SPTBN5: variants seen among roughly 807,000 people sequenced by gnomAD.
SPTBN5 encodes spectrin beta chain, non-erythrocytic 5.
A neutral mutation model predicts 477.6 loss-of-function variants in SPTBN5; 513 were observed. The observed-to-expected ratio is 1.07, with a 90% confidence interval of 1.00 to 1.16. The LOEUF (loss-of-function observed/expected upper bound fraction) is 1.16, where lower values mean the gene tolerates loss of function less well. Ranked by LOEUF, SPTBN5 falls within the 50% of genes most tolerant of loss-of-function variation. SPTBN5 has a pLI of 0.00. For missense variants in SPTBN5, 5,062 were observed against 4,731.8 expected, an observed-to-expected ratio of 1.07 and a Z score of -2.05; for synonymous variants, 2,169 against 2,011.7, an observed-to-expected ratio of 1.08 and a Z score of -2.09.
rs1334046970 is a variant in SPTBN5 at position 41,857,720 on chromosome 15, C to T, written c.8227-10G>A. 2.6e-6 allele frequency: 4 copies of T among 1,561,402 alleles called. No homozygotes were observed. The highest frequency in any genetic ancestry group is 3.5e-6 in the Non-Finnish European group (4 of 1,156,576). The stretch of plus-strand genomic sequence containing the variant: ...GCAGCCTCTGTCCCTCCTGCAGCCA[C>T]AACATGAAACACACCTTGTGGACTC... On this transcript the variant is annotated splice_polypyrimidine_tract_variant and intron_variant, in intron 49 of 67. Coordinates refer to ENST00000320955, the MANE Select transcript of SPTBN5 (RefSeq NM_016642.4).
Position 41,879,507 on chromosome 15 carries a change from G to A in SPTBN5, c.2943-8C>T, listed in dbSNP as rs2066873638. 1 of 1,552,338 alleles carries A rather than the reference G, an allele frequency of 6.4e-7. No individual in the cohort carries two copies. ...GCCTCCAGCTGCCCCCACCTGGGCA[G>A]AGGGTACAAGGTTGTCTCCACAACA... On this transcript the variant is annotated splice_region_variant and splice_polypyrimidine_tract_variant and intron_variant, in intron 15 of 67. Coordinates refer to ENST00000320955, the MANE Select transcript of SPTBN5 (RefSeq NM_016642.4).
At chr15:41,885,266 C>T (rs2008558) in intron 7 of SPTBN5, among the ~76,000 whole-genome samples, 6,706 of 152,290 alleles carry the variant, frequency 0.044, 280 homozygotes, top group East Asian at 0.2. Context: ...TCAGGTCATC[C>T]GCCTGCTACG....
intron 41 of SPTBN5, 22 bp downstream of exon 41, chr15:41,863,682 G>T (rs781471596): frequency 6.3e-7 from 1 of 1,596,596 alleles, no homozygotes. Flanking sequence ...AGCCCCCACC[G>T]GGACCTCTTT....
intron 41 of SPTBN5, 90 bp from the exon 42 acceptor site, chr15:41,862,993 A>G (rs527931261): frequency 1.7e-6 from 2 of 1,174,228 alleles, no homozygotes; most frequent in South Asian, 2.6e-5. Flanking sequence ...TTCTGTGTGC[A>G]CAGCAAGTCC....
At position 41,857,672 on chromosome 15, in the gene SPTBN5, C is replaced by T. The variant is rs767178380; in HGVS notation, c.8265G>A (p.Ser2755=). 2.0e-5 allele frequency: 31 copies of T among 1,585,786 alleles called. No individual in the cohort carries two copies. In the South Asian group the frequency reaches 2.5e-4, roughly 13 times the overall value. Residue 2755 remains serine, a synonymous_variant, in exon 50 of 68, where the codon TCG becomes TCA. Transcript: ENST00000320955. ...QRLLQGGHPA[S]EAIQERLEEL... Reference sequence around the variant, plus strand: ...CCTCCAGTCGCTCCTGGATGGCCTCCGAGGCTGGGTGGCCCCCCTGCAGCA... The same window carrying T: ...CCTCCAGTCGCTCCTGGATGGCCTCTGAGGCTGGGTGGCCCCCCTGCAGCA...
chr15:41,883,402 C>T lies in SPTBN5; in HGVS notation c.1605G>A (p.Val535=). Residue 535 remains valine (V), a synonymous_variant, in exon 8 of 68, where the codon GTG becomes GTA. Transcript: ENST00000320955. ...QRKQVADMQA[V]LSLLQEVEAA... ...CCTCCACCTCCTGCAGCAGGCTCAG[C>T]ACAGCCTGCATGTCTGCCACCTGCT... 1 of 1,613,894 alleles carries T rather than the reference C, an allele frequency of 6.2e-7. No homozygotes were observed. The highest frequency in any genetic ancestry group is 8.5e-7 in the Non-Finnish European group (1 of 1,179,894).
intron 66 of SPTBN5, chr15:41,850,427 A>T (rs546846322): frequency 4.4e-6 from 1 of 226,670 alleles, no homozygotes; most frequent in African/African-American, 2.2e-5. Context: ...TGGCTTGCTT[A>T]CTGTCTGCAA....
At chr15:41,849,480 A>AC (rs2065675885) in intron 67 of SPTBN5, among the ~76,000 whole-genome samples, 1 of 151,938 alleles carries the variant, frequency 6.6e-6, no homozygotes, top group Admixed American at 6.6e-5. Context: ...TGGAGAGGGG[A>AC]GAGGAGGGAG....
At position 41,883,121 on chromosome 15, in the gene SPTBN5, C is replaced by T. The variant is rs1330821112; in HGVS notation, c.1767G>A (p.Val589=). The T allele has an allele frequency of 3.1e-6, 5 of 1,612,216 alleles. No homozygotes were observed. The highest frequency in any genetic ancestry group is 1.7e-5 in the Admixed American group (1 of 59,952). ...CTGCTGTCTGCTGAGCAAGATGGCT[C>T]ACATGGGCTCCGTGGGCCGAGACTT... ...EAQVSAHGAH[V]SHLAQQTAEL... The change falls in exon 9 of 68, where the codon GTG becomes GTA. Residue 589 remains valine (V), a synonymous_variant. Transcript: ENST00000320955.
At position 41,854,877 on chromosome 15, in the gene SPTBN5, C is replaced by T; in HGVS notation, c.9523G>A (p.Gly3175Ser). Residue 3175 changes from glycine (G) to serine (S), a missense_variant, in exon 56 of 68, where the codon GGT (glycine) becomes AGT (serine). Transcript: ENST00000320955. ...LRKLAGTLERGAPRRYPHIQA... is the reference protein window; with the variant it reads ...LRKLAGTLERSAPRRYPHIQA... The stretch of plus-strand genomic sequence containing the variant: ...ATGTGGGGATAGCGCCTGGGTGCAC[C>T]CCGCTCCAGGGTGCCTGCCAACTTC... The T allele has an allele frequency of 6.2e-7, 1 of 1,609,592 alleles. No homozygotes were observed. Among genetic ancestry groups the T allele is most frequent in the Admixed American group, 1.7e-5 (1 of 59,526 alleles).
At chr15:41,860,965 A>C (rs2066085688) in intron 46 of SPTBN5, among the ~76,000 whole-genome samples, 1 of 152,384 alleles carries the variant, frequency 6.6e-6, no homozygotes, top group South Asian at 2.1e-4. Context: ...AGGGATCAAG[A>C]GCCAGAATCT....
chr15:41,852,999 A>G lies in SPTBN5; in HGVS notation c.10172T>C (p.Val3391Ala). The stretch of plus-strand genomic sequence containing the variant: ...TTCCAGCTCCTGCAGGCACTCTGTC[A>G]CCTGGTGGGGAGGGGCTGCTATGGG... ...VDNSHFMSAEVTECLQELEGR... is the reference protein window; with the variant it reads ...VDNSHFMSAEATECLQELEGR... Residue 3391 changes from valine (V) to alanine (A), a missense_variant and splice_region_variant, in exon 60 of 68, where the codon GTG becomes GCG. Transcript: ENST00000320955. 6.5e-7 allele frequency: 1 copy of G among 1,530,102 alleles called. No homozygotes were observed. Among genetic ancestry groups the G allele is most frequent in the Non-Finnish European group, 8.8e-7 (1 of 1,137,582 alleles). The allele number at this position is 1,530,102 out of a possible 1,614,324, so 94.8% of individuals were successfully genotyped here. A position where few individuals can be genotyped will look rare whatever the true frequency, so the allele number is the denominator to read the frequency against.
Position 41,855,727 on chromosome 15 carries a change from A to G in SPTBN5, c.9040T>C (p.Trp3014Arg). ...AGGACATGGCCCCGCTCAGCCAGCC[A>G]GGATCCCGCCTCCAGGAGCTGGGGG... ...FLTELLEAGS[W>R]LAERGHVLDS... Residue 3014 changes from tryptophan (W) to arginine (R), a missense_variant, in exon 54 of 68, where the codon TGG (tryptophan) becomes CGG (arginine). By Grantham distance (101) the Trp-to-Arg change is moderately radical (BLOSUM62 -3). Transcript: ENST00000320955. 3 of 1,586,066 alleles carry G rather than the reference A, an allele frequency of 1.9e-6. No individual in the cohort carries two copies. The highest frequency in any genetic ancestry group is 2.6e-6 in the Non-Finnish European group (3 of 1,166,448).
At chr15:41,885,554 A>G (rs1483399669) in intron 7 of SPTBN5, among the ~76,000 whole-genome samples, 181 bp downstream of exon 7, 1 of 152,252 alleles carries the variant, frequency 6.6e-6, no homozygotes. Context: ...ACCAATAGGA[A>G]TGAATTACTG....
intron 20 of SPTBN5, 119 bp from the exon 21 acceptor site, chr15:41,876,403 G>A (rs1408089755): frequency 8.6e-6 from 12 of 1,391,224 alleles, no homozygotes; most frequent in Admixed American, 2.1e-5. Context: ...AAAAACCTGA[G>A]CTGTGTTGCC....
intron 60 of SPTBN5, 21 bp from the exon 61 acceptor site, chr15:41,852,756 G>A: frequency 1.2e-6 from 2 of 1,607,044 alleles, no homozygotes; most frequent in South Asian, 2.2e-5. Context: ...GCATGTTCAG[G>A]TGACGCCCAG....
At chr15:41,851,002 C>T in intron 65 of SPTBN5, 57 bp downstream of exon 65, 2 of 1,591,132 alleles carry the variant, frequency 1.3e-6, no homozygotes, top group Non-Finnish European at 1.7e-6. Context: ...GCCTCCAGCC[C>T]CCGCTGAGCC....
rs1018155216 is a variant in SPTBN5, at chr15:41,861,215, G to A, written c.7815+204C>T. The stretch of plus-strand genomic sequence containing the variant: ...GCACTCTAGAAGCTCCTTGGTGTTC[G>A]CGGTGGGGCCTGCCCACAGCTGCAT... On this transcript the variant is annotated intron_variant, in intron 46 of 67. Coordinates refer to ENST00000320955, the MANE Select transcript of SPTBN5 (RefSeq NM_016642.4). Among the ~76,000 whole-genome samples, 8 of 152,306 alleles carry A rather than the reference G, an allele frequency of 5.3e-5. No individual in the cohort carries two copies. The South Asian group carries it at 6.2e-4, about 12-fold the overall frequency.
At chr15:41,875,132 G>A in intron 22 of SPTBN5, 76 bp from the exon 23 acceptor site, 1 of 1,397,254 alleles carries the variant, frequency 7.2e-7, no homozygotes, top group Non-Finnish European at 9.7e-7. Context: ...CTCTGGGACT[G>A]TTGGACTTTT....
Sources: allele counts gnomAD v4.1 joint callset (sites outside exome capture counted in the v4.1 genomes callset), GRCh38; gene constraint gnomAD v4.1.1; transcripts MANE v1.5; gene names NCBI Gene and HGNC (gene_info 2026-07-23, HGNC 2026-07-21).